The following ELF1 variants were observed in gnomAD, a reference collection of about 807,000 sequenced individuals.
ELF1 encodes the protein ETS-related transcription factor Elf-1.
In ELF1, 24 loss-of-function variants were observed where a neutral mutation model predicts 59.9. The observed-to-expected ratio is 0.40, with a 90% CI of 0.29 to 0.56. The LOEUF is 0.56. ELF1 is among the 20% of genes least tolerant of loss of function. The probability of loss-of-function intolerance (pLI) is 0.44; values close to 1 mark genes in which losing one functional copy is unlikely to be tolerated. For missense variants in ELF1, 627 were observed against 742.2 expected (o/e 0.84, Z 1.80); for synonymous variants, 248 against 266.2 (o/e 0.93, Z 0.67).
intron 1 of ELF1, among the ~76,000 whole-genome samples, chr13:40,993,517 G>A (rs10454608): frequency 0.18 from 27,514 of 151,988 alleles, 2,638 homozygotes; most frequent in African/African-American, 0.22. Context: ...GGGTCTCGTT[G>A]TTGCCCAGGC....
chr13:41,000,237 C>CTTTTTT (rs55938711), intron 1 of ELF1, among the ~76,000 whole-genome samples: 1 of 54,752 alleles, frequency 1.8e-5, no homozygotes. Flanking sequence ...TTGAACCTGG[C>CTTTTTT]TTTTTTTTTT....
chr13:41,039,206 C>G (rs929900494), intron 1 of ELF1, among the ~76,000 whole-genome samples: 1 of 151,624 alleles, frequency 6.6e-6, no homozygotes, highest in Non-Finnish European at 1.5e-5. Flanking sequence ...TTGAGACCAG[C>G]CTGGGTAACA....
chr13:40,953,530 A>C (rs1870997421), intron 3 of ELF1, among the ~76,000 whole-genome samples: 1 of 152,218 alleles, frequency 6.6e-6, no homozygotes. Flanking sequence ...AAGAAGCCTC[A>C]GAAGGAATTA....
chr13:41,034,503 A>C (rs1041086246), intron 1 of ELF1, among the ~76,000 whole-genome samples: 1 of 152,246 alleles, frequency 6.6e-6, no homozygotes, highest in Non-Finnish European at 1.5e-5. Flanking sequence ...AGAATCTTTA[A>C]GAAAGAATAC....
At chr13:41,036,395 T>C (rs1221147207) in intron 1 of ELF1, among the ~76,000 whole-genome samples, 7 of 152,256 alleles carry the variant, frequency 4.6e-5, no homozygotes, top group African/African-American at 7.2e-5. Flanking sequence ...GTTTTGGCTA[T>C]AGCTAAACTA....
At chr13:41,025,495 A>G (rs762894980) in intron 1 of ELF1, among the ~76,000 whole-genome samples, 2 of 152,182 alleles carry the variant, frequency 1.3e-5, no homozygotes, top group Non-Finnish European at 2.9e-5. Flanking sequence ...GAACCTTGAC[A>G]CTCCATACAT....
chr13:40,978,878 C>T (rs925058740), intron 2 of ELF1, among the ~76,000 whole-genome samples: 1 of 151,888 alleles, frequency 6.6e-6, no homozygotes, highest in Non-Finnish European at 1.5e-5. Context: ...CCTCTTACCC[C>T]CCGCAACTTT....
chr13:40,933,432 G>C lies in ELF1; in HGVS notation c.1853C>G (p.Ser618Cys). Residue 618 changes from serine (S) to cysteine (C), a missense_variant, in exon 9 of 9, where the codon TCT (serine) becomes TGT (cysteine). Coordinates refer to ENST00000239882, the MANE Select transcript of ELF1 (RefSeq NM_172373.4). ...MKQNELLEPN[S>C]F ...TAAGCTTTGGTATATTAACTAAAAA[G>C]AGTTGGGTTCCAGCAGTTCGTTTTG... The C allele has an allele frequency of 6.2e-7, 1 of 1,610,106 alleles. No homozygotes were observed. The highest frequency in any genetic ancestry group is 1.1e-5 in the South Asian group (1 of 90,416).
At chr13:40,968,553 C>G (rs894578051) in intron 2 of ELF1, among the ~76,000 whole-genome samples, 1 of 151,988 alleles carries the variant, frequency 6.6e-6, no homozygotes, top group African/African-American at 2.4e-5. Flanking sequence ...ATGTATTACA[C>G]AAAGCAAGCT....
At chr13:40,987,746 G>A (rs1344346637) in intron 1 of ELF1, among the ~76,000 whole-genome samples, 1 of 152,140 alleles carries the variant, frequency 6.6e-6, no homozygotes, top group Non-Finnish European at 1.5e-5. Flanking sequence ...TTCAGACTGT[G>A]TCTGTTTATG....
chr13:40,942,341 T>G (rs1870225775), intron 7 of ELF1, among the ~76,000 whole-genome samples: 1 of 152,196 alleles, frequency 6.6e-6, no homozygotes, highest in Admixed American at 6.5e-5. Flanking sequence ...CAATACATCT[T>G]TCTCAAATAC....
chr13:40,944,512 G>A (rs1566166698), intron 5 of ELF1, among the ~76,000 whole-genome samples: 2 of 152,046 alleles, frequency 1.3e-5, no homozygotes, highest in Admixed American at 6.6e-5. Flanking sequence ...AAAACATCTC[G>A]TTTTTCTGTA....
At chr13:41,061,253 T>G (rs1159757142) in exon 1 of ELF1, 2 of 267,448 alleles carry the variant, frequency 7.5e-6, no homozygotes, top group Non-Finnish European at 1.5e-5. Context: ...CTGAGCTCCT[T>G]GGCCTTGAGC....
chr13:41,037,709 T>A (rs1002622022), intron 1 of ELF1, among the ~76,000 whole-genome samples: 1 of 151,736 alleles, frequency 6.6e-6, no homozygotes, highest in Admixed American at 6.6e-5. Flanking sequence ...GGCAGGAGAA[T>A]TGCTGGAACC....
chr13:41,039,871 C>T (rs921294115), intron 1 of ELF1, among the ~76,000 whole-genome samples: 4 of 152,012 alleles, frequency 2.6e-5, no homozygotes, highest in Non-Finnish European at 4.4e-5. Flanking sequence ...AACAAATACC[C>T]TAATAGAAAA....
At chr13:41,037,795 C>CA (rs796346659) in intron 1 of ELF1, among the ~76,000 whole-genome samples, 1,895 of 124,720 alleles carry the variant, frequency 0.015, 27 homozygotes, top group African/African-American at 0.04. Flanking sequence ...GACTCCGTCT[C>CA]AAAAAAAAAA....
At chr13:40,963,674 C>T (rs981987291) in intron 2 of ELF1, among the ~76,000 whole-genome samples, 5 of 152,118 alleles carry the variant, frequency 3.3e-5, no homozygotes, top group East Asian at 3.8e-4. Flanking sequence ...TTTGGGAGGC[C>T]GAGGCGGGCG....
At chr13:40,979,850 A>C (rs1007198831) in intron 2 of ELF1, among the ~76,000 whole-genome samples, 6 of 152,220 alleles carry the variant, frequency 3.9e-5, no homozygotes, top group African/African-American at 1.4e-4. Flanking sequence ...ATTAGGACTA[A>C]GGGTGAAGAG....
chr13:40,932,501 T>C lies in ELF1; in HGVS notation c.*924A>G, dbSNP rs2138093951. ...TGTTTAGCACTTAGCAACACAAGTT[T>C]ACTAATGGACCGCAAAGCACAGTGG... On this transcript the variant is annotated 3_prime_UTR_variant, in exon 9 of 9. Transcript: ENST00000239882. The C allele has an allele frequency of 6.6e-6, 1 of 152,324 alleles. No individual in the cohort carries two copies. Among genetic ancestry groups the C allele is most frequent in the Non-Finnish European group, 1.5e-5 (1 of 68,030 alleles). The allele number at this position is 152,324 out of a possible 1,614,324, so 9.4% of individuals were successfully genotyped here.
Sources: gnomAD v4.1 joint callset for allele counts (sites outside exome capture counted in the v4.1 genomes callset) on GRCh38, gnomAD v4.1.1 for gene constraint, MANE v1.5 for transcripts, NCBI Gene and HGNC (gene_info 2026-07-23, HGNC 2026-07-21) for gene names.